Variants in TECTA observed in about 807,000 individuals in gnomAD.
TECTA encodes alpha-tectorin.
In TECTA, 128 loss-of-function variants were observed where a neutral mutation model predicts 216.8. The observed-to-expected ratio is 0.59, with a 90% CI of 0.51 to 0.68. The LOEUF is 0.68. Among genes scored for constraint, TECTA ranks in the 30% least tolerant of loss-of-function variants. The pLI is 0.00. For missense variants in TECTA, 2,551 were observed against 2,786.2 expected (o/e 0.92, Z 1.90); for synonymous variants, 1,089 against 1,117.1 (o/e 0.97, Z 0.50).
At chr11:121,131,455 T>C (rs753732840) in intron 10 of TECTA, among the ~76,000 whole-genome samples, 2 of 152,232 alleles carry the variant, frequency 1.3e-5, no homozygotes, top group Non-Finnish European at 2.9e-5. Flanking sequence ...AGTAAGTTGC[T>C]GTCATTATGC....
At chr11:121,138,178 A>G (rs887388864) in intron 11 of TECTA, among the ~76,000 whole-genome samples, 156 bp downstream of exon 11, 6 of 152,202 alleles carry the variant, frequency 3.9e-5, no homozygotes, top group Non-Finnish European at 8.8e-5. Context: ...CTGTCACTTC[A>G]TCTTACAGAG....
intron 20 of TECTA, among the ~76,000 whole-genome samples, chr11:121,174,585 T>C (rs1444793441): frequency 1.3e-5 from 2 of 152,154 alleles, no homozygotes; most frequent in Non-Finnish European, 2.9e-5. Context: ...CTGCTGGATT[T>C]GGTTTGCCAG....
In TECTA at chr11:121,118,291, G is replaced by A. The variant is rs1450926858; in HGVS notation, c.791-15G>A. 1.2e-6 allele frequency: 2 copies of A among 1,613,998 alleles called. No homozygotes were observed. The highest frequency in any genetic ancestry group is 1.7e-6 in the Non-Finnish European group (2 of 1,180,022). Reference sequence around the variant, plus strand: ...ATGCTCAGTAAATGTTGGCTCTAATGTCATTATTCCCCAGGACAATTCCTT... The same window carrying A: ...ATGCTCAGTAAATGTTGGCTCTAATATCATTATTCCCCAGGACAATTCCTT... On this transcript the variant is annotated splice_polypyrimidine_tract_variant and intron_variant, in intron 6 of 23. Transcript: ENST00000392793.
rs773573968 is a variant in TECTA, at chr11:121,125,342, TG to T, written c.1248del (p.Thr417GlnfsTer2). The T allele has an allele frequency of 1.2e-6, 2 of 1,614,108 alleles. No individual in the cohort carries two copies. Among genetic ancestry groups the T allele is most frequent in the South Asian group, 2.2e-5 (2 of 91,084 alleles). ...LVTSLPVTLD[L>X]GTVKIYQSGI... ...ACTTCTTTGCCTGTCACCTTAGACT[TG>T]GGGACAGTGAAAATCTACCAGAGTG... On this transcript the variant is annotated frameshift_variant, in exon 8 of 24. Transcript: ENST00000392793. LOFTEE classifies it high-confidence loss of function.
rs1445193470 is a variant in TECTA, at chr11:121,125,359, T to C, written c.1261T>C (p.Tyr421His). 1.1e-5 allele frequency: 18 copies of C among 1,614,098 alleles called. No individual in the cohort carries two copies. The highest frequency in any genetic ancestry group is 1.4e-5 in the Non-Finnish European group (17 of 1,180,050). Residue 421 changes from tyrosine to histidine, a missense_variant, in exon 8 of 24, where the codon TAC becomes CAC. By Grantham distance (83) the Tyr-to-His change is moderately conservative. Around this residue, in one of 3 missense-constraint regions of TECTA, gnomAD observed 2,375 missense variants for 2,563.9 expected, o/e 0.93. Coordinates refer to ENST00000392793, the MANE Select transcript of TECTA (RefSeq NM_005422.4). ...CTTAGACTTGGGGACAGTGAAAATCTACCAGAGTGGCATATCTACTGCCGT... is the reference window on the plus strand; with the variant it reads ...CTTAGACTTGGGGACAGTGAAAATCCACCAGAGTGGCATATCTACTGCCGT... Reference protein sequence around the residue: ...VTLDLGTVKIYQSGISTAVET... With the variant: ...VTLDLGTVKIHQSGISTAVET...
Position 121,105,972 on chromosome 11 carries a change from G to T in TECTA, c.198+8G>T, listed in dbSNP as rs1479843839. 6.2e-7 allele frequency: 1 copy of T among 1,614,188 alleles called. No homozygotes were observed. The highest frequency in any genetic ancestry group is 1.7e-5 in the Admixed American group (1 of 60,016). Reference sequence around the variant, plus strand: ...CCTTACCGCACTGTCTATGTAAGTGGAGAAGCAGCCCATCTGTTGTTCTCT... The same window carrying T: ...CCTTACCGCACTGTCTATGTAAGTGTAGAAGCAGCCCATCTGTTGTTCTCT... On this transcript the variant is annotated splice_region_variant and intron_variant, in intron 3 of 23. Transcript: ENST00000392793. This position sits in a 1 kb window ranked among gnomAD's most constrained non-coding sequence, Gnocchi z 5.3.
intron 16 of TECTA, among the ~76,000 whole-genome samples, chr11:121,164,719 G>C (rs1947034012): frequency 6.6e-6 from 1 of 152,120 alleles, no homozygotes; most frequent in Non-Finnish European, 1.5e-5. Flanking sequence ...ATGGGGGAAA[G>C]TGGACCAAGA....
rs1046849846 is a variant in TECTA, at chr11:121,160,553, T to C, written c.4976+132T>C. The C allele has an allele frequency of 4.6e-6, 6 of 1,315,078 alleles. No individual in the cohort carries two copies. The South Asian group carries it at 6.2e-5, about 14-fold the overall frequency. 81.5% of individuals were successfully genotyped at this position (1,315,078 alleles called of 1,614,324 possible). A position where few individuals can be genotyped will look rare whatever the true frequency, so the allele number is the denominator to read the frequency against. On this transcript the variant is annotated intron_variant, in intron 15 of 23. Transcript: ENST00000392793. ...CCTACAGAGACGAGCCAAAGCTCTT[T>C]GGAGTTTTGATGCTAAAAATAGGCA...
chr11:121,174,436 C>G (rs1947144083), intron 20 of TECTA, among the ~76,000 whole-genome samples: 1 of 152,144 alleles, frequency 6.6e-6, no homozygotes, highest in African/African-American at 2.4e-5. Flanking sequence ...TTTTCTGCAT[C>G]TATTGAGATA....
intron 21 of TECTA, among the ~76,000 whole-genome samples, chr11:121,188,405 C>T (rs1947308903): frequency 1.3e-5 from 2 of 152,348 alleles, no homozygotes; most frequent in South Asian, 4.1e-4. Context: ...TTGAGAACCA[C>T]TGCACTAGAG....
At chr11:121,163,520 A>G (rs1300278317) in intron 16 of TECTA, among the ~76,000 whole-genome samples, 4 of 152,026 alleles carry the variant, frequency 2.6e-5, no homozygotes, top group Non-Finnish European at 4.4e-5. Flanking sequence ...TAATGGGTGC[A>G]GCACACCAGC....
Position 121,105,703 on chromosome 11 carries a change from G to A in TECTA, c.65-128G>A. On this transcript the variant is annotated intron_variant, in intron 2 of 23. Transcript: ENST00000392793. The surrounding 1 kb of genome is among the most constrained non-coding windows in gnomAD (Gnocchi z 5.3). ...TGGCCTAGGTTTAGGATGAATGACA[G>A]GGCAGTATGACTTGCATTCAGCTTG... 1 of 1,185,986 alleles carries A rather than the reference G, an allele frequency of 8.4e-7. No individual in the cohort carries two copies. The highest frequency in any genetic ancestry group is 1.2e-6 in the Non-Finnish European group (1 of 822,610). The allele number at this position is 1,185,986 out of a possible 1,614,324, so 73.5% of individuals were successfully genotyped here. A position where few individuals can be genotyped will look rare whatever the true frequency, so the allele number is the denominator to read the frequency against.
chr11:121,104,430 T>G (rs1946373269), intron 2 of TECTA, among the ~76,000 whole-genome samples: 2 of 152,072 alleles, frequency 1.3e-5, no homozygotes, highest in South Asian at 4.1e-4. Context: ...CAGCAACTTC[T>G]GGGGTTTGGA....
chr11:121,134,345 A>ACACACACACACG (rs954311155), intron 10 of TECTA, among the ~76,000 whole-genome samples: 8 of 151,916 alleles, frequency 5.3e-5, no homozygotes, highest in African/African-American at 1.4e-4. Context: ...ACACACACAC[A>ACACACACACACG]CACGCACACA....
At chr11:121,133,246 T>G (rs908793871) in intron 10 of TECTA, among the ~76,000 whole-genome samples, 1 of 152,180 alleles carries the variant, frequency 6.6e-6, no homozygotes, top group Non-Finnish European at 1.5e-5. Context: ...CCTTCCTCCC[T>G]CCCTGCCCTT....
intron 6 of TECTA, among the ~76,000 whole-genome samples, chr11:121,117,049 A>G (rs1162989398): frequency 6.6e-6 from 1 of 152,150 alleles, no homozygotes; most frequent in Non-Finnish European, 1.5e-5. Flanking sequence ...ATACACCCGC[A>G]CCCTCAACTT....
In TECTA at chr11:121,125,520, C is replaced by A. The variant is rs753940282; in HGVS notation, c.1422C>A (p.Arg474=). The A allele has an allele frequency of 2.5e-6, 4 of 1,614,098 alleles. No individual in the cohort carries two copies. In the Admixed American group the frequency reaches 6.7e-5, roughly 27 times the overall value. Residue 474 remains arginine (R), a synonymous_variant, in exon 8 of 24, where the codon CGC becomes CGA. Coordinates refer to ENST00000392793, the MANE Select transcript of TECTA (RefSeq NM_005422.4). ...AAAACCCACTGGATGACTTCCTCCG[C>A]CCGGATGGCAGGCCGGCCATGTCTG... ...YNKNPLDDFL[R]PDGRPAMSVL...
chr11:121,161,067 G>C (rs899932847), intron 15 of TECTA, among the ~76,000 whole-genome samples: 1 of 152,154 alleles, frequency 6.6e-6, no homozygotes, highest in African/African-American at 2.4e-5. Flanking sequence ...TTCTCCACTT[G>C]TACAATGGCT....
intron 7 of TECTA, among the ~76,000 whole-genome samples, chr11:121,122,178 T>C (rs1421115938): frequency 6.6e-6 from 1 of 152,152 alleles, no homozygotes; most frequent in African/African-American, 2.4e-5. Context: ...TATGTTGAAA[T>C]TCTAACTCCT....
Sources: allele counts gnomAD v4.1 joint callset (sites outside exome capture counted in the v4.1 genomes callset), GRCh38; gene constraint gnomAD v4.1.1; regional missense constraint gnomAD v4.1.1; non-coding constraint Gnocchi (gnomAD v3.1); transcripts MANE v1.5; gene names NCBI Gene and HGNC (gene_info 2026-07-23, HGNC 2026-07-21).